The following RBM14 variants were observed in gnomAD, a reference collection of about 807,000 sequenced individuals.
The protein encoded by RBM14 is RNA binding motif protein 14.
Under a neutral mutation model 52.8 loss-of-function variants are expected in RBM14, and 5 were observed. The observed-to-expected ratio is 0.09, with a 90% confidence interval of 0.05 to 0.20. The LOEUF (loss-of-function observed/expected upper bound fraction) is 0.20. Among genes scored for constraint, RBM14 ranks in the 10% least tolerant of loss-of-function variants. The pLI, the probability that RBM14 is intolerant of heterozygous loss-of-function variation, is 1.00. For missense variants in RBM14, 780 were observed against 926.6 expected (o/e 0.84, Z 2.05); for synonymous variants, 411 against 401.8 (o/e 1.02, Z -0.28).
chr11:66,628,530 CAG>C lies in RBM14; in HGVS notation c.*1863_*1864del, dbSNP rs1471529664. Among the ~76,000 whole-genome samples the C allele has an allele frequency of 6.6e-6, 1 of 151,976 alleles. No homozygotes were observed. Among genetic ancestry groups the C allele is most frequent in the Non-Finnish European group, 1.5e-5 (1 of 68,010 alleles). ...TTGTGGATGCTAACTGGGGTAATCT[CAG>C]GGAGTACTGGGGCCATGGCTCTTTC... On this transcript the variant is annotated 3_prime_UTR_variant, in exon 3 of 3. Transcript: ENST00000310137.
intron 1 of RBM14, chr11:66,618,516 T>C: frequency 1.4e-6 from 1 of 717,496 alleles, no homozygotes; most frequent in South Asian, 1.5e-5. Flanking sequence ...TCCACGACTA[T>C]CCGGAATCGG....
intron 1 of RBM14, chr11:66,618,686 C>T (rs535210722): frequency 3.2e-6 from 2 of 633,380 alleles, no homozygotes; most frequent in African/African-American, 1.8e-5. Flanking sequence ...GTTTAATTGA[C>T]TTACCAAGTT....
Position 66,616,764 on chromosome 11 carries a change from C to T in RBM14, c.44C>T (p.Pro15Leu). The change falls in exon 1 of 3, where the codon CCG (proline) becomes CTG (leucine). Residue 15 changes from proline to leucine, a missense_variant. Physicochemically the swap from Pro to Leu is moderately conservative, Grantham distance 98. Around this residue, in one of 4 missense-constraint regions of RBM14, gnomAD observed 71 missense variants for 119.2 expected, o/e 0.60. Transcript: ENST00000310137. ...VGNVDGADTT[P>L]EELAALFAPY... ...AACGTCGACGGGGCGGATACGACTC[C>T]GGAGGAGCTGGCAGCCCTCTTTGCG... 1 of 1,604,324 alleles carries T rather than the reference C, an allele frequency of 6.2e-7. No homozygotes were observed. Among genetic ancestry groups the T allele is most frequent in the South Asian group, 1.1e-5 (1 of 90,940 alleles).
rs767297260 is a variant in RBM14, at chr11:66,624,174, G to GC, written c.338-34dup. 27 of 1,544,560 alleles carry GC rather than the reference G, an allele frequency of 1.7e-5. No homozygotes were observed. Among genetic ancestry groups the GC allele is most frequent in the Non-Finnish European group, 2.1e-5 (24 of 1,143,524 alleles). On this transcript the variant is annotated intron_variant, in intron 1 of 2. Coordinates refer to ENST00000310137, the MANE Select transcript of RBM14 (RefSeq NM_006328.4). This position sits in a 1 kb window ranked among gnomAD's most constrained non-coding sequence, Gnocchi z 4.7. ...TGGGACCCATCAGGTAGCATGCCCT[G>GC]CCCCCCTAATTGCTAACCCTCTGTC... is the stretch of plus-strand genomic sequence containing the variant.
In RBM14 at chr11:66,624,918, T is replaced by C. The variant is rs1040409954; in HGVS notation, c.1042T>C (p.Tyr348His). ...CTCCTATGGTAACCAGCCATCCTCT[T>C]ACGGCGCCCAGGCTGCCTCTTCCTA... ...LASYGNQPSS[Y>H]GAQAASSYGV... Residue 348 changes from tyrosine (Y) to histidine (H), a missense_variant, in exon 2 of 3, where the codon TAC becomes CAC. Tyr to His is a moderately conservative substitution (Grantham distance 83, BLOSUM62 2). This residue lies in a region of RBM14 where 675 missense variants were observed against 697.3 expected (regional missense o/e 0.97). Transcript: ENST00000310137. This position sits in a 1 kb window ranked among gnomAD's most constrained non-coding sequence, Gnocchi z 4.7. 1.9e-6 allele frequency: 3 copies of C among 1,613,810 alleles called. No individual in the cohort carries two copies. Among genetic ancestry groups the C allele is most frequent in the Non-Finnish European group, 2.5e-6 (3 of 1,179,930 alleles).
rs962625815 is a variant in RBM14 at position 66,628,362 on chromosome 11, C to CT, written c.*1694_*1695insT. 2.0e-5 allele frequency among the ~76,000 whole-genome samples: 3 copies of CT among 152,132 alleles called. No homozygotes were observed. Among genetic ancestry groups the CT allele is most frequent in the African/African-American group, 7.2e-5 (3 of 41,428 alleles). On this transcript the variant is annotated 3_prime_UTR_variant, in exon 3 of 3. Coordinates refer to ENST00000310137, the MANE Select transcript of RBM14 (RefSeq NM_006328.4). ...CGACTGGGGAGGTGTACGTGTTAGT[C>CT]AAGTGGAGGTCAGGTGGGTTATCTT...
At chr11:66,620,389 C>G (rs1175139625) in intron 1 of RBM14, among the ~76,000 whole-genome samples, 2 of 151,968 alleles carry the variant, frequency 1.3e-5, no homozygotes, top group South Asian at 4.2e-4. Flanking sequence ...CTCACTGCAA[C>G]CTCCGTCTCC....
rs1263282129 is a variant in RBM14, at chr11:66,627,294, C to G, written c.*626C>G. The G allele has an allele frequency of 1.3e-5, 2 of 152,078 alleles. No individual in the cohort carries two copies. Among genetic ancestry groups the G allele is most frequent in the East Asian group, 3.9e-4 (2 of 5,194 alleles). The allele number at this position is 152,078 out of a possible 1,614,324, so 9.4% of individuals were successfully genotyped here. A position where few individuals can be genotyped will look rare whatever the true frequency, so the allele number is the denominator to read the frequency against. ...TGTTAGAAAACCTTAATTTTTTTTCCCTTTTGTATGGACTACAAATAAAAC... is the reference window on the plus strand; with the variant it reads ...TGTTAGAAAACCTTAATTTTTTTTCGCTTTTGTATGGACTACAAATAAAAC... On this transcript the variant is annotated 3_prime_UTR_variant, in exon 3 of 3. Coordinates refer to ENST00000310137, the MANE Select transcript of RBM14 (RefSeq NM_006328.4).
At chr11:66,617,640 GAGA>G in intron 1 of RBM14, 3 of 890,266 alleles carry the variant, frequency 3.4e-6, no homozygotes, top group Non-Finnish European at 4.0e-6. Context: ...ACGTGGGTAC[GAGA>G]GGGGCCCCTT....
rs1007548298 is a variant in RBM14 at position 66,627,885 on chromosome 11, G to A, written c.*1217G>A. Among the ~76,000 whole-genome samples, 5 of 152,140 alleles carry A rather than the reference G, an allele frequency of 3.3e-5. No individual in the cohort carries two copies. The highest frequency in any genetic ancestry group is 1.2e-4 in the African/African-American group (5 of 41,430). ...GAATAAGGAAGGGCAGAGAAAACTT[G>A]AAGCAGGTATGGGGCATTCTGGCCA... On this transcript the variant is annotated 3_prime_UTR_variant, in exon 3 of 3. Transcript: ENST00000310137.
At chr11:66,618,121 T>TTA (rs1433976547) in intron 1 of RBM14, among the ~76,000 whole-genome samples, 1 of 152,224 alleles carries the variant, frequency 6.6e-6, no homozygotes, top group Admixed American at 6.5e-5. Context: ...CTTAAGCTCT[T>TTA]TATCTTTTAC....
Position 66,624,857 on chromosome 11 carries a change from G to T in RBM14, c.981G>T (p.Ser327=), listed in dbSNP as rs143185352. ...SYGGQAAAAS[S]LNSYGAQGSS... is the part of the protein sequence containing the mutation. ...GGGGTCAGGCAGCTGCAGCTTCTTC[G>T]CTCAACTCCTATGGGGCTCAGGGTT... is the stretch of plus-strand genomic sequence containing the variant. Residue 327 remains serine (S), a synonymous_variant, in exon 2 of 3, where the codon TCG becomes TCT. Transcript: ENST00000310137. The surrounding 1 kb of genome is among the most constrained non-coding windows in gnomAD (Gnocchi z 4.7). 1 of 1,613,706 alleles carries T rather than the reference G, an allele frequency of 6.2e-7. No individual in the cohort carries two copies. The highest frequency in any genetic ancestry group is 2.2e-5 in the East Asian group (1 of 44,858).
chr11:66,623,457 A>G (rs956367015), intron 1 of RBM14, among the ~76,000 whole-genome samples: 3 of 152,192 alleles, frequency 2.0e-5, no homozygotes, highest in African/African-American at 7.2e-5. Context: ...GGGGCATTGG[A>G]AGAGCTGTGA....
chr11:66,629,675 A>G lies in RBM14; in HGVS notation c.*3007A>G, dbSNP rs1009739610. Among the ~76,000 whole-genome samples, 3 of 152,234 alleles carry G rather than the reference A, an allele frequency of 2.0e-5. No homozygotes were observed. The highest frequency in any genetic ancestry group is 1.9e-4 in the East Asian group (1 of 5,194). On this transcript the variant is annotated 3_prime_UTR_variant, in exon 3 of 3. Transcript: ENST00000310137. ...GATGGAAAACTGAATTTTACAATCTATAGGTACCTTTGAAAGGTCATAAAG... is the reference window on the plus strand; with the variant it reads ...GATGGAAAACTGAATTTTACAATCTGTAGGTACCTTTGAAAGGTCATAAAG...
At chr11:66,617,607 G>GGTCT in intron 1 of RBM14, 3 of 972,974 alleles carry the variant, frequency 3.1e-6, no homozygotes, top group Non-Finnish European at 3.7e-6. Context: ...GTCTGGCATG[G>GGTCT]GTCTACTCAT....
Position 66,627,796 on chromosome 11 carries a change from G to A in RBM14, c.*1128G>A, listed in dbSNP as rs1937883090. On this transcript the variant is annotated 3_prime_UTR_variant, in exon 3 of 3. Coordinates refer to ENST00000310137, the MANE Select transcript of RBM14 (RefSeq NM_006328.4). ...AGGCTGGAATGAGTGCTGGGGCTGG[G>A]ACCCAGAAAGGAACCAGTAGTGGAG... Among the ~76,000 whole-genome samples the A allele has an allele frequency of 6.6e-6, 1 of 152,180 alleles. No homozygotes were observed. Among genetic ancestry groups the A allele is most frequent in the Admixed American group, 6.5e-5 (1 of 15,276 alleles).
At chr11:66,626,108 G>A (rs1240731681) in intron 2 of RBM14, among the ~76,000 whole-genome samples, 3 of 152,242 alleles carry the variant, frequency 2.0e-5, no homozygotes, top group African/African-American at 7.2e-5. Flanking sequence ...TCCACTCTGG[G>A]AAGTTGGGGA....
In RBM14 at chr11:66,626,680, G is replaced by T. The variant is rs769337208; in HGVS notation, c.*12G>T. 1.3e-6 allele frequency: 2 copies of T among 1,593,608 alleles called. No homozygotes were observed. Among genetic ancestry groups the T allele is most frequent in the South Asian group, 1.1e-5 (1 of 89,778 alleles). On this transcript the variant is annotated 3_prime_UTR_variant, in exon 3 of 3. Coordinates refer to ENST00000310137, the MANE Select transcript of RBM14 (RefSeq NM_006328.4). Reference sequence around the variant, plus strand: ...AGCGCCGCATGTAGGGCCATCCTGGGATGGGGCACCACAGGGAGGGAGGGA... The same window carrying T: ...AGCGCCGCATGTAGGGCCATCCTGGTATGGGGCACCACAGGGAGGGAGGGA...
chr11:66,622,248 T>G (rs1237597512), intron 1 of RBM14, among the ~76,000 whole-genome samples: 2 of 151,186 alleles, frequency 1.3e-5, no homozygotes, highest in Non-Finnish European at 3.0e-5. Context: ...TTTTTTTTTT[T>G]TGAAATGGAG....
Sources: gnomAD v4.1 joint callset for allele counts (sites outside exome capture counted in the v4.1 genomes callset) on GRCh38, gnomAD v4.1.1 for gene constraint, gnomAD v4.1.1 regional missense constraint, Gnocchi (gnomAD v3.1) non-coding constraint, MANE v1.5 for transcripts, NCBI Gene and HGNC (gene_info 2026-07-23, HGNC 2026-07-21) for gene names.